The following PDE9A variants were observed in gnomAD, a reference collection of about 807,000 sequenced individuals.
PDE9A encodes high affinity cGMP-specific 3',5'-cyclic phosphodiesterase 9A.
A neutral mutation model predicts 87.4 loss-of-function variants in PDE9A; 60 were observed. The observed-to-expected ratio is 0.69, with a 90% confidence interval of 0.56 to 0.85. The LOEUF (loss-of-function observed/expected upper bound fraction) is 0.85. PDE9A is among the 40% of genes least tolerant of loss of function. The pLI, the probability that PDE9A is intolerant of heterozygous loss-of-function variation, is 0.00. For synonymous variants in PDE9A, 272 were observed against 279.4 expected (o/e 0.97, Z 0.27); for missense variants, 665 against 779.0 (o/e 0.85, Z 1.74).
chr21:42,664,164 A>G (rs1456300652), intron 1 of PDE9A, among the ~76,000 whole-genome samples: 2 of 152,368 alleles, frequency 1.3e-5, no homozygotes, highest in South Asian at 2.1e-4. Flanking sequence ...TAGTGACTCC[A>G]GCCAACTGCT....
chr21:42,745,345 T>C lies in PDE9A; in HGVS notation c.653+1485T>C, dbSNP rs529953759. ...CTGTCCCATGCACTCATGGGCTCAT[T>C]TGGAGTTAGGGATGTCTCAGCCCAA... On this transcript the variant is annotated intron_variant, in intron 8 of 19. Transcript: ENST00000291539. Among the ~76,000 whole-genome samples, 168 of 152,272 alleles carry C rather than the reference T, an allele frequency of 1.1e-3. 3 individuals are homozygous for C. The highest frequency in any genetic ancestry group is 4.3e-3 in the Admixed American group (66 of 15,292).
At chr21:42,682,483 C>G (rs971382349) in intron 1 of PDE9A, among the ~76,000 whole-genome samples, 1 of 152,184 alleles carries the variant, frequency 6.6e-6, no homozygotes, top group African/African-American at 2.4e-5. Flanking sequence ...ACCAAACAGG[C>G]CTTTTTCAGT....
At position 42,698,825 on chromosome 21, in the gene PDE9A, G is replaced by A. The variant is rs531049270; in HGVS notation, c.219-143G>A. On this transcript the variant is annotated intron_variant, in intron 3 of 19. Transcript: ENST00000291539. ...AGTAAGGAAGCTGAGAACAGTCAAA[G>A]AAGCTAATTTAAAAAATAAAAATAA... The A allele has an allele frequency of 5.5e-3, 2,875 of 520,208 alleles. 21 individuals are homozygous for A. Among genetic ancestry groups the A allele is most frequent in the Middle Eastern group, 0.024 (61 of 2,492 alleles). The allele number at this position is 520,208 out of a possible 1,614,324, so 32.2% of individuals were successfully genotyped here. A position where few individuals can be genotyped will look rare whatever the true frequency, so the allele number is the denominator to read the frequency against.
At chr21:42,735,978 G>C (rs1006341271) in intron 7 of PDE9A, among the ~76,000 whole-genome samples, 8 of 152,116 alleles carry the variant, frequency 5.3e-5, no homozygotes, top group African/African-American at 1.9e-4. Flanking sequence ...TGCAAAAAAG[G>C]CTTGCTGCAG....
chr21:42,661,626 C>T (rs1360991028), intron 1 of PDE9A, among the ~76,000 whole-genome samples: 1 of 152,174 alleles, frequency 6.6e-6, no homozygotes, highest in African/African-American at 2.4e-5. Flanking sequence ...TTTGTGTTTC[C>T]ATTCAAAACG....
chr21:42,740,284 A>G (rs1231218439), intron 7 of PDE9A, among the ~76,000 whole-genome samples: 2 of 152,080 alleles, frequency 1.3e-5, no homozygotes, highest in South Asian at 4.1e-4. Flanking sequence ...TCTCTACAAA[A>G]AATACAAAAA....
chr21:42,681,963 C>T (rs530568977), intron 1 of PDE9A, among the ~76,000 whole-genome samples: 121 of 152,366 alleles, frequency 7.9e-4, no homozygotes, highest in African/African-American at 2.3e-3. Context: ...AAGCTGCAGC[C>T]GGGCTGGCCT....
intron 4 of PDE9A, among the ~76,000 whole-genome samples, chr21:42,719,657 A>T (rs911586731): frequency 1.4e-5 from 2 of 146,922 alleles, no homozygotes; most frequent in African/African-American, 4.9e-5. Flanking sequence ...AAAAAAAAAA[A>T]AAAAGAAATA....
chr21:42,749,880 G>A (rs2054242915), intron 8 of PDE9A, among the ~76,000 whole-genome samples: 1 of 152,244 alleles, frequency 6.6e-6, no homozygotes, highest in African/African-American at 2.4e-5. Flanking sequence ...GCTCACGCCT[G>A]TAATCCCAAC....
At chr21:42,697,857 G>A (rs1296537676) in intron 3 of PDE9A, among the ~76,000 whole-genome samples, 1 of 152,160 alleles carries the variant, frequency 6.6e-6, no homozygotes, top group Non-Finnish European at 1.5e-5. Context: ...TGAATTTGGG[G>A]TGGGGGTGCC....
At chr21:42,754,803 T>A (rs1182622600) in intron 10 of PDE9A, among the ~76,000 whole-genome samples, 6 of 152,140 alleles carry the variant, frequency 3.9e-5, no homozygotes, top group Non-Finnish European at 8.8e-5. Flanking sequence ...TAAGTGACTT[T>A]CTCCTTCTCT....
At chr21:42,751,539 C>T (rs1016754542) in intron 9 of PDE9A, among the ~76,000 whole-genome samples, 1 of 152,188 alleles carries the variant, frequency 6.6e-6, no homozygotes, top group Non-Finnish European at 1.5e-5. Flanking sequence ...AAATCCATTC[C>T]ATTGGCCCTT....
At position 42,751,243 on chromosome 21, in the gene PDE9A, G is replaced by T. The variant is rs1007776772; in HGVS notation, c.735+46G>T. 4.5e-6 allele frequency: 6 copies of T among 1,344,954 alleles called. No individual in the cohort carries two copies. In the African/African-American group the frequency reaches 8.7e-5, roughly 19 times the overall value. 83.3% of individuals were successfully genotyped at this position (1,344,954 alleles called of 1,614,324 possible). ...AGAAGAAGCTGCAGCTGTGTCCCCA[G>T]CCCCACGCCCAGCCCTGTGGCCCTG... On this transcript the variant is annotated intron_variant, in intron 9 of 19. Coordinates refer to ENST00000291539, the MANE Select transcript of PDE9A (RefSeq NM_002606.3).
chr21:42,769,839 G>A (rs371732065), intron 17 of PDE9A, among the ~76,000 whole-genome samples: 1 of 151,996 alleles, frequency 6.6e-6, no homozygotes, highest in Non-Finnish European at 1.5e-5. Context: ...GGCTGTCGTG[G>A]TGACCGCTGT....
In PDE9A at chr21:42,702,328, A is replaced by G. The variant is rs1487788963; in HGVS notation, c.262+3317A>G. Among the ~76,000 whole-genome samples the G allele has an allele frequency of 6.6e-6, 1 of 150,542 alleles. No homozygotes were observed. The highest frequency in any genetic ancestry group is 1.5e-5 in the Non-Finnish European group (1 of 67,660). The stretch of plus-strand genomic sequence containing the variant: ...GAATTATGTTTCCCTCCTTTTTCGT[A>G]TCTCCCATTTTTACATCTCCCATTT... On this transcript the variant is annotated intron_variant, in intron 4 of 19. Coordinates refer to ENST00000291539, the MANE Select transcript of PDE9A (RefSeq NM_002606.3). This position sits in a 1 kb window ranked among gnomAD's most constrained non-coding sequence, Gnocchi z 4.9.
rs1408752897 is a variant in PDE9A at position 42,671,519 on chromosome 21, TAAGTA to T, written c.70-14672_70-14668del. Among the ~76,000 whole-genome samples, 20 of 152,336 alleles carry T rather than the reference TAAGTA, an allele frequency of 1.3e-4. No homozygotes were observed. In the South Asian group the frequency reaches 4.1e-3, roughly 32 times the overall value. ...TCCATTCTGAGTGTGACTTTACTGTTAAGTATTCTAAAAACAAGAGACCAAACAAA... is the reference window on the plus strand; with the variant it reads ...TCCATTCTGAGTGTGACTTTACTGTTTTCTAAAAACAAGAGACCAAACAAA... On this transcript the variant is annotated intron_variant, in intron 1 of 19. Transcript: ENST00000291539.
intron 4 of PDE9A, among the ~76,000 whole-genome samples, chr21:42,699,288 G>A (rs1298070047): frequency 6.6e-6 from 1 of 152,160 alleles, no homozygotes; most frequent in Non-Finnish European, 1.5e-5. Context: ...TCCCTTGTGT[G>A]GATTTTTTCT....
chr21:42,726,624 A>ATATATATATATATAT, intron 4 of PDE9A, among the ~76,000 whole-genome samples: 1 of 19,774 alleles, frequency 5.1e-5, no homozygotes, highest in Non-Finnish European at 7.5e-5. Flanking sequence ...ATATATATAT[A>ATATATATATATATAT]TTTTTTTTTT....
chr21:42,724,626 T>C (rs118089245), intron 4 of PDE9A: 1 of 982,838 alleles, frequency 1.0e-6, no homozygotes, highest in East Asian at 1.1e-4. Flanking sequence ...TCACATATAT[T>C]CCATCGGTGT....
Sources: allele counts gnomAD v4.1 joint callset (sites outside exome capture counted in the v4.1 genomes callset), GRCh38; gene constraint gnomAD v4.1.1; non-coding constraint Gnocchi (gnomAD v3.1); transcripts MANE v1.5; gene names NCBI Gene and HGNC (gene_info 2026-07-23, HGNC 2026-07-21).